UNK: variants seen among roughly 807,000 people sequenced by gnomAD.
The protein encoded by UNK is RING finger protein unkempt homolog.
Under a neutral mutation model 97.6 loss-of-function variants are expected in UNK, and 32 were observed. That is an observed-to-expected ratio of 0.33 (90% CI 0.25 to 0.44). The LOEUF is 0.44. Among genes scored for constraint, UNK ranks in the 20% least tolerant of loss-of-function variants. The pLI is 1.00. For missense variants in UNK, 771 were observed against 1,098.4 expected, an observed-to-expected ratio of 0.70 and a Z score of 4.21; for synonymous variants, 441 against 461.2, an observed-to-expected ratio of 0.96 and a Z score of 0.56.
intron 2 of UNK, among the ~76,000 whole-genome samples, chr17:75,811,483 A>G (rs2061968576): frequency 1.3e-5 from 2 of 152,124 alleles, no homozygotes; most frequent in African/African-American, 4.8e-5. Flanking sequence ...TGAAGGCTAT[A>G]CCTGAGTTTT....
chr17:75,792,542 C>A, intron 1 of UNK: 1 of 949,112 alleles, frequency 1.1e-6, no homozygotes. Context: ...GCTAACAATG[C>A]CAAGAATTTA....
chr17:75,809,860 C>G lies in UNK; in HGVS notation c.205C>G (p.Gln69Glu). The change falls in exon 2 of 16, where the codon CAG (glutamine) becomes GAG (glutamate). Residue 69 changes from glutamine to glutamate, a missense_variant. Around this residue, in one of 5 missense-constraint regions of UNK, gnomAD observed 246 missense variants for 440.7 expected, o/e 0.56. Transcript: ENST00000589666. ...CTGCTTCCACTGGCACTTCGTGAAC[C>G]AGCGGCGCCGCCGGTCCATCCGCCG... ...YTCFHWHFVN[Q>E]RRRRSIRRRD... The G allele has an allele frequency of 6.2e-7, 1 of 1,613,824 alleles. No homozygotes were observed. The highest frequency in any genetic ancestry group is 8.5e-7 in the Non-Finnish European group (1 of 1,179,890).
chr17:75,823,635 C>CCCAGCACTGGG, intron 15 of UNK, 113 bp downstream of exon 15: 4 of 1,381,532 alleles, frequency 2.9e-6, no homozygotes, highest in Non-Finnish European at 3.8e-6. Flanking sequence ...AGAGCCTCTG[C>CCCAGCACTGGG]CCAGCACTGG....
At chr17:75,794,363 A>G (rs1235551876) in intron 1 of UNK, among the ~76,000 whole-genome samples, 1 of 152,150 alleles carries the variant, frequency 6.6e-6, no homozygotes, top group African/African-American at 2.4e-5. Flanking sequence ...TTAGCCGGGC[A>G]TGGTGGCTCA....
At chr17:75,788,635 A>C (rs2061735433) in intron 1 of UNK, among the ~76,000 whole-genome samples, 3 of 151,990 alleles carry the variant, frequency 2.0e-5, no homozygotes, top group Non-Finnish European at 4.4e-5. Flanking sequence ...TACAGGTGTG[A>C]GCCACCGCGC....
At chr17:75,810,023 T>G in intron 2 of UNK, 54 bp downstream of exon 2, 1 of 1,600,938 alleles carries the variant, frequency 6.2e-7, no homozygotes, top group Non-Finnish European at 8.5e-7. Context: ...CTGGGTCAGA[T>G]GCCCTCAGGG....
intron 13 of UNK, 23 bp downstream of exon 13, chr17:75,820,131 C>G (rs2062053770): frequency 1.3e-6 from 2 of 1,591,198 alleles, no homozygotes; most frequent in African/African-American, 2.7e-5. Flanking sequence ...GTGGTTCACT[C>G]AGGAGAACTG....
chr17:75,815,134 GC>G, intron 6 of UNK, 34 bp from the exon 7 acceptor site: 1 of 1,600,230 alleles, frequency 6.2e-7, no homozygotes, highest in South Asian at 1.1e-5. Context: ...TTCCCTCAGG[GC>G]CTGAGCCTGA....
intron 1 of UNK, among the ~76,000 whole-genome samples, chr17:75,800,926 C>T (rs1437781286): frequency 1.3e-5 from 2 of 150,758 alleles, no homozygotes; most frequent in South Asian, 2.1e-4. Context: ...TTTTTTGAGA[C>T]GGAGTGTCAC....
intron 1 of UNK, among the ~76,000 whole-genome samples, chr17:75,798,014 C>G (rs1274536226): frequency 1.3e-5 from 2 of 151,098 alleles, no homozygotes; most frequent in African/African-American, 2.4e-5. Context: ...ACAAAACATA[C>G]AGGGTGGACA....
At chr17:75,820,650 G>T (rs1332684523) in intron 13 of UNK, among the ~76,000 whole-genome samples, 2 of 152,198 alleles carry the variant, frequency 1.3e-5, no homozygotes, top group Admixed American at 1.3e-4. Flanking sequence ...TGGAATGGGG[G>T]TTTCTGAGGG....
At position 75,806,717 on chromosome 17, in the gene UNK, G is replaced by A. The variant is rs1047617540; in HGVS notation, c.105-3043G>A. Among the ~76,000 whole-genome samples the A allele has an allele frequency of 3.3e-5, 5 of 152,266 alleles. No individual in the cohort carries two copies. In the East Asian group the frequency reaches 9.7e-4, roughly 29 times the overall value. ...GAACCTGGGAGGCAGAGATTGCAGT[G>A]AGCTGAGATTGCGCCACTGCACTCT... On this transcript the variant is annotated intron_variant, in intron 1 of 15. Transcript: ENST00000589666.
At chr17:75,808,322 T>C (rs1460721164) in intron 1 of UNK, among the ~76,000 whole-genome samples, 1 of 152,158 alleles carries the variant, frequency 6.6e-6, no homozygotes, top group Non-Finnish European at 1.5e-5. Flanking sequence ...CATCAGGCCA[T>C]AGGGAGGCTT....
chr17:75,791,000 C>T (rs962373593), intron 1 of UNK, among the ~76,000 whole-genome samples: 6 of 152,100 alleles, frequency 3.9e-5, no homozygotes, highest in Non-Finnish European at 8.8e-5. Flanking sequence ...TTTCTGACCT[C>T]ATTGTTTTGA....
chr17:75,800,058 A>C (rs953957708), intron 1 of UNK, among the ~76,000 whole-genome samples: 1 of 152,178 alleles, frequency 6.6e-6, no homozygotes, highest in Non-Finnish European at 1.5e-5. Flanking sequence ...TTTAAGGCCC[A>C]CAAGGTAAGA....
Position 75,818,325 on chromosome 17 carries a change from C to T in UNK, c.1371+157C>T, listed in dbSNP as rs2062035360. 6.6e-6 allele frequency among the ~76,000 whole-genome samples: 1 copy of T among 152,156 alleles called. No individual in the cohort carries two copies. The highest frequency in any genetic ancestry group is 1.5e-5 in the Non-Finnish European group (1 of 68,018). On this transcript the variant is annotated intron_variant, in intron 10 of 15. Coordinates refer to ENST00000589666, the MANE Select transcript of UNK (RefSeq NM_001080419.3). The surrounding 1 kb of genome is among the most constrained non-coding windows in gnomAD (Gnocchi z 5.1). ...CACAAATCCAGAGAGGGTAGGGGGT[C>T]AGGCCCTGGAGCCCCTCACCTCCTA...
At chr17:75,800,689 A>T (rs945924462) in intron 1 of UNK, among the ~76,000 whole-genome samples, 4 of 151,414 alleles carry the variant, frequency 2.6e-5, no homozygotes, top group African/African-American at 7.2e-5. Context: ...GTGAGCTGAG[A>T]TCGCGCCACT....
At chr17:75,794,619 C>T (rs540291105) in intron 1 of UNK, among the ~76,000 whole-genome samples, 2 of 143,100 alleles carry the variant, frequency 1.4e-5, no homozygotes, top group South Asian at 4.3e-4. Flanking sequence ...ACCTGGGCAA[C>T]AAGAGTGAAA....
chr17:75,814,722 C>CA (rs1306740208), intron 6 of UNK, among the ~76,000 whole-genome samples: 2 of 152,194 alleles, frequency 1.3e-5, no homozygotes, highest in Admixed American at 1.3e-4. Flanking sequence ...CTGAGGTAGA[C>CA]ACGCGGACAG....
Sources: allele counts gnomAD v4.1 joint callset (sites outside exome capture counted in the v4.1 genomes callset), GRCh38; gene constraint gnomAD v4.1.1; regional missense constraint gnomAD v4.1.1; non-coding constraint Gnocchi (gnomAD v3.1); transcripts MANE v1.5; gene names NCBI Gene and HGNC (gene_info 2026-07-23, HGNC 2026-07-21).